Variants in FGD6 observed in about 807,000 individuals in gnomAD.
FGD6 encodes the protein FYVE, RhoGEF and PH domain containing 6.
FGD6 carries 90 observed loss-of-function variants against 149.4 expected under a neutral mutation model. The ratio of observed to expected loss-of-function variants is 0.60; its 90% CI spans 0.51 to 0.72. FGD6 has a LOEUF of 0.72. Ranked by LOEUF, FGD6 falls within the 30% of genes least tolerant of loss-of-function variation. The pLI is 0.00. For synonymous variants in FGD6, 527 were observed against 584.0 expected, an observed-to-expected ratio of 0.90 and a Z score of 1.41; for missense variants, 1,437 against 1,684.8, an observed-to-expected ratio of 0.85 and a Z score of 2.57.
intron 3 of FGD6, among the ~76,000 whole-genome samples, chr12:95,169,390 TA>T (rs78855983): frequency 7.8e-4 from 117 of 149,938 alleles, no homozygotes; most frequent in Middle Eastern, 6.8e-3. Flanking sequence ...AATAGTCCTT[TA>T]AAAAAAAAAA....
At position 95,108,568 on chromosome 12, in the gene FGD6, TAGGC is replaced by T. The variant is rs777642215; in HGVS notation, c.3134-11_3134-8del. ...ATAACAACAGCAAGGGCATCTGAAA[TAGGC>T]AGGAACAAAACGTGCATTTAGTAAT... On this transcript the variant is annotated splice_region_variant and splice_polypyrimidine_tract_variant and intron_variant, in intron 9 of 20. Transcript: ENST00000343958. 6 of 1,613,802 alleles carry T rather than the reference TAGGC, an allele frequency of 3.7e-6. No individual in the cohort carries two copies. In the East Asian group the frequency reaches 8.9e-5, roughly 24 times the overall value.
chr12:95,109,152 G>C (rs1456700095), intron 9 of FGD6, among the ~76,000 whole-genome samples: 3 of 151,828 alleles, frequency 2.0e-5, no homozygotes, highest in African/African-American at 7.3e-5. Context: ...TTAGCTTCAT[G>C]GGCCTATCTG....
At chr12:95,145,581 C>T (rs1263920219) in intron 5 of FGD6, among the ~76,000 whole-genome samples, 1 of 152,148 alleles carries the variant, frequency 6.6e-6, no homozygotes, top group African/African-American at 2.4e-5. Context: ...CACTTTGCTC[C>T]TCCTTGGCTA....
At position 95,141,508 on chromosome 12, in the gene FGD6, C is replaced by T; in HGVS notation, c.2717G>A (p.Arg906Lys). The T allele has an allele frequency of 6.2e-7, 1 of 1,614,078 alleles. No homozygotes were observed. The highest frequency in any genetic ancestry group is 8.5e-7 in the Non-Finnish European group (1 of 1,179,994). ...CTCAATCACTGGTTTCCCAAGTTGC[C>T]TGGAAGCATGAGCTACTGCATCCCG... ...DFRDAVAHASRQLGKPVIEDR... is the reference protein window; with the variant it reads ...DFRDAVAHASKQLGKPVIEDR... The change falls in exon 6 of 21, where the codon AGG becomes AAG. Residue 906 changes from arginine (R) to lysine (K), a missense_variant. This residue lies in a region of FGD6 where 1,055 missense variants were observed against 1,146.0 expected (regional missense o/e 0.92). Coordinates refer to ENST00000343958, the MANE Select transcript of FGD6 (RefSeq NM_018351.4).
At chr12:95,112,836 G>A (rs1878875498) in intron 9 of FGD6, among the ~76,000 whole-genome samples, 1 of 152,170 alleles carries the variant, frequency 6.6e-6, no homozygotes, top group South Asian at 2.1e-4. Flanking sequence ...TACTAGGGCT[G>A]AGGGAAGGCT....
intron 1 of FGD6, among the ~76,000 whole-genome samples, chr12:95,216,925 A>G (rs555712580): frequency 6.6e-6 from 1 of 152,350 alleles, no homozygotes; most frequent in East Asian, 1.9e-4. Flanking sequence ...AAGTCCTCGC[A>G]CTGCTGGAGA....
intron 2 of FGD6, among the ~76,000 whole-genome samples, chr12:95,191,532 C>T (rs1881587492): frequency 6.6e-6 from 1 of 152,162 alleles, no homozygotes; most frequent in African/African-American, 2.4e-5. Context: ...GATGTGACTA[C>T]TTAATTTGTG....
At chr12:95,087,937 A>G (rs1488697199) in intron 18 of FGD6, among the ~76,000 whole-genome samples, 2 of 152,162 alleles carry the variant, frequency 1.3e-5, no homozygotes, top group Non-Finnish European at 2.9e-5. Flanking sequence ...GAAAAAAAAG[A>G]GGAAAAAAAT....
At chr12:95,134,367 G>T (rs1025256164) in intron 8 of FGD6, among the ~76,000 whole-genome samples, 8 of 152,106 alleles carry the variant, frequency 5.3e-5, no homozygotes, top group African/African-American at 1.9e-4. Flanking sequence ...TAAATATGTG[G>T]GAGTGACCCT....
chr12:95,089,809 C>A, intron 17 of FGD6, 113 bp from the exon 18 acceptor site: 1 of 1,355,144 alleles, frequency 7.4e-7, no homozygotes, highest in South Asian at 1.4e-5. Flanking sequence ...CACTAAGAAA[C>A]AACATTGATA....
chr12:95,148,575 A>ATAT (rs1880094683), intron 5 of FGD6, among the ~76,000 whole-genome samples: 1 of 135,668 alleles, frequency 7.4e-6, no homozygotes, highest in East Asian at 2.1e-4. Context: ...ATTATATAAT[A>ATAT]CATAGCATAT....
At chr12:95,107,066 A>C in intron 12 of FGD6, 29 bp from the exon 13 acceptor site, 3 of 1,545,280 alleles carry the variant, frequency 1.9e-6, no homozygotes, top group Non-Finnish European at 2.7e-6. Flanking sequence ...CAGGGGAGAA[A>C]GTAAAGAAAC....
In FGD6 at chr12:95,168,313, G is replaced by C. The variant is rs1880885078; in HGVS notation, c.2586+4287C>G. On this transcript the variant is annotated intron_variant, in intron 3 of 20. Transcript: ENST00000343958. ...CCAGAAACAATATATTTATTGGTAA[G>C]ATTACAGAAAGCTTGATTTGAGATG... Among the ~76,000 whole-genome samples, 3 of 152,180 alleles carry C rather than the reference G, an allele frequency of 2.0e-5. No homozygotes were observed. The South Asian group carries it at 6.2e-4, about 32-fold the overall frequency.
intron 17 of FGD6, among the ~76,000 whole-genome samples, 193 bp downstream of exon 17, chr12:95,091,514 G>A (rs570733370): frequency 6.6e-6 from 1 of 152,124 alleles, no homozygotes; most frequent in Non-Finnish European, 1.5e-5. Context: ...CTTTTACACA[G>A]ACTGAAACCA....
At chr12:95,136,593 G>A (rs1424825131) in intron 7 of FGD6, among the ~76,000 whole-genome samples, 1 of 152,130 alleles carries the variant, frequency 6.6e-6, no homozygotes, top group African/African-American at 2.4e-5. Context: ...CACATGCTCT[G>A]AACAGGTTAT....
At chr12:95,182,694 A>T (rs1881318233) in intron 2 of FGD6, among the ~76,000 whole-genome samples, 1 of 152,188 alleles carries the variant, frequency 6.6e-6, no homozygotes. Context: ...TTATTTTCCT[A>T]CTGAGACCTT....
intron 2 of FGD6, among the ~76,000 whole-genome samples, chr12:95,188,382 C>CAT (rs112967822): frequency 6.6e-6 from 1 of 150,918 alleles, no homozygotes; most frequent in African/African-American, 2.4e-5. Context: ...AAGCACCATC[C>CAT]GTGTGTGTGT....
chr12:95,172,918 G>A (rs931896601), intron 2 of FGD6, among the ~76,000 whole-genome samples, 174 bp from the exon 3 acceptor site: 2 of 152,186 alleles, frequency 1.3e-5, no homozygotes, highest in African/African-American at 4.8e-5. Context: ...TGTCTCAGCT[G>A]CCAAAAACTC....
chr12:95,111,740 TAG>T (rs1462345813), intron 9 of FGD6, among the ~76,000 whole-genome samples: 1 of 152,094 alleles, frequency 6.6e-6, no homozygotes, highest in Non-Finnish European at 1.5e-5. Flanking sequence ...CTTCATCAAC[TAG>T]ATATGATCAC....
Sources: allele counts gnomAD v4.1 joint callset (sites outside exome capture counted in the v4.1 genomes callset), GRCh38; gene constraint gnomAD v4.1.1; regional missense constraint gnomAD v4.1.1; transcripts MANE v1.5; gene names NCBI Gene and HGNC (gene_info 2026-07-23, HGNC 2026-07-21).